The following FANCE variants were observed in gnomAD, a reference collection of about 807,000 sequenced individuals.
The protein encoded by FANCE is Fanconi anemia group E protein.
Under a neutral mutation model 57.8 loss-of-function variants are expected in FANCE, and 42 were observed. That is an observed-to-expected ratio of 0.73 (90% confidence interval 0.57 to 0.94). FANCE has a LOEUF of 0.94. Among genes scored for constraint, FANCE ranks in the 40% least tolerant of loss-of-function variants. FANCE has a pLI of 0.00. For missense variants in FANCE, 608 were observed against 661.8 expected (o/e 0.92, Z 0.89); for synonymous variants, 251 against 286.4 (o/e 0.88, Z 1.25).
intron 9 of FANCE, among the ~76,000 whole-genome samples, chr6:35,465,356 G>A (rs1010894681): frequency 6.6e-6 from 1 of 152,006 alleles, no homozygotes; most frequent in Non-Finnish European, 1.5e-5. Context: ...GTATTTTTTA[G>A]TAGAGATGGG....
chr6:35,466,168 A>G (rs762129986), intron 9 of FANCE, 76 bp from the exon 10 acceptor site: 639 of 923,582 alleles, frequency 6.9e-4, no homozygotes, highest in Non-Finnish European at 8.8e-4. Flanking sequence ...TCTCTCCTCA[A>G]TAGAGCCCCT....
intron 2 of FANCE, 77 bp from the exon 3 acceptor site, chr6:35,457,479 G>T: frequency 1.3e-6 from 2 of 1,542,770 alleles, no homozygotes; most frequent in Non-Finnish European, 8.9e-7. Context: ...GGCCTTTTCA[G>T]TAGGGGGAGC....
At chr6:35,457,101 C>G (rs1286455780) in intron 2 of FANCE, among the ~76,000 whole-genome samples, 1 of 151,950 alleles carries the variant, frequency 6.6e-6, no homozygotes, top group Non-Finnish European at 1.5e-5. Flanking sequence ...AGGCACTTTT[C>G]AAGATAGAGA....
Position 35,452,704 on chromosome 6 carries a change from C to G in FANCE, c.159C>G (p.Arg53=). ...GLGVLRALGS[R]GWEPFDWGRL... is the part of the protein sequence containing the mutation. ...GGGTGCTCCGGGCGCTGGGCAGCCG[C>G]GGCTGGGAGCCCTTCGACTGGGGTC... is the stretch of plus-strand genomic sequence containing the variant. The change falls in exon 1 of 10, where the codon CGC becomes CGG. Residue 53 remains arginine (R), a synonymous_variant. Transcript: ENST00000229769. 1 of 1,240,988 alleles carries G rather than the reference C, an allele frequency of 8.1e-7. No individual in the cohort carries two copies. 76.9% of individuals were successfully genotyped at this position (1,240,988 alleles called of 1,614,324 possible).
intron 2 of FANCE, 91 bp from the exon 3 acceptor site, chr6:35,457,465 C>G: frequency 7.0e-7 from 1 of 1,421,556 alleles, no homozygotes; most frequent in Middle Eastern, 1.9e-4. Flanking sequence ...TCCCACTGAC[C>G]TGGGGCCTTT....
intron 1 of FANCE, 125 bp downstream of exon 1, chr6:35,452,918 A>G: frequency 9.9e-7 from 1 of 1,014,728 alleles, no homozygotes; most frequent in Non-Finnish European, 1.3e-6. Context: ...GAGCAGGGGC[A>G]CCCTTCACTG....
chr6:35,464,728 C>CT (rs59541412), intron 9 of FANCE, among the ~76,000 whole-genome samples: 1,152 of 107,756 alleles, frequency 0.011, 13 homozygotes, highest in East Asian at 0.034. Flanking sequence ...GAGAGATATT[C>CT]TTTTTTTTTT....
rs930863473 is a variant in FANCE at position 35,452,420 on chromosome 6, T to A, written c.-126T>A. 4.4e-4 allele frequency: 447 copies of A among 1,024,282 alleles called. 2 individuals carry two copies. Among genetic ancestry groups the A allele is most frequent in the Non-Finnish European group, 7.3e-5 (59 of 808,410 alleles). The allele number at this position is 1,024,282 out of a possible 1,614,324, so 63.4% of individuals were successfully genotyped here. A position where few individuals can be genotyped will look rare whatever the true frequency, so the allele number is the denominator to read the frequency against. On this transcript the variant is annotated 5_prime_UTR_variant, in exon 1 of 10. Transcript: ENST00000229769. ...GTCTCCCAACGCCGAGGAGAGCTTG[T>A]AACAGGCGCTGGAGCTGGCCCGCCA...
chr6:35,461,710 C>T (rs969090901), intron 8 of FANCE, among the ~76,000 whole-genome samples: 6 of 146,606 alleles, frequency 4.1e-5, no homozygotes, highest in South Asian at 2.2e-4. Context: ...TGCAGTGGTG[C>T]GATCTCAGCT....
At chr6:35,459,590 T>G in intron 6 of FANCE, 92 bp from the exon 7 acceptor site, 1 of 1,570,658 alleles carries the variant, frequency 6.4e-7, no homozygotes, top group South Asian at 1.1e-5. Flanking sequence ...AATGCCCCTG[T>G]AACAGGCTGG....
chr6:35,462,414 T>C (rs1429142710), intron 8 of FANCE, among the ~76,000 whole-genome samples: 3 of 152,140 alleles, frequency 2.0e-5, no homozygotes, highest in Non-Finnish European at 1.5e-5. Flanking sequence ...GCATAAATTA[T>C]TATTATAAAG....
Position 35,462,892 on chromosome 6 carries a change from T to G in FANCE, c.1487T>G (p.Val496Gly), listed in dbSNP as rs747099581. The G allele has an allele frequency of 1.2e-6, 2 of 1,614,114 alleles. No individual in the cohort carries two copies. The highest frequency in any genetic ancestry group is 2.7e-5 in the African/African-American group (2 of 74,952). ...SMAYAKLMLT[V>G]MTKYQANITE... is the part of the protein sequence containing the mutation. Reference sequence around the variant, plus strand: ...GCCTATGCCAAGCTCATGCTGACAGTGATGACCAAGTATCAGGCTAACGTG... The same window carrying G: ...GCCTATGCCAAGCTCATGCTGACAGGGATGACCAAGTATCAGGCTAACGTG... The change falls in exon 9 of 10, where the codon GTG becomes GGG. Residue 496 changes from valine (V) to glycine (G), a missense_variant. By Grantham distance (109) the Val-to-Gly change is moderately radical. Coordinates refer to ENST00000229769, the MANE Select transcript of FANCE (RefSeq NM_021922.3).
At position 35,460,635 on chromosome 6, in the gene FANCE, G is replaced by C. The variant is rs1165871905; in HGVS notation, c.1383+17G>C. The C allele has an allele frequency of 6.2e-7, 1 of 1,610,860 alleles. No homozygotes were observed. Among genetic ancestry groups the C allele is most frequent in the East Asian group, 2.2e-5 (1 of 44,868 alleles). On this transcript the variant is annotated intron_variant, in intron 8 of 9. Transcript: ENST00000229769. Reference sequence around the variant, plus strand: ...GAGCGGCAGGTGAGCAGGCTGCCCTGGGGAAGAGTGGACAAAGAAGTGCTG... The same window carrying C: ...GAGCGGCAGGTGAGCAGGCTGCCCTCGGGAAGAGTGGACAAAGAAGTGCTG...
chr6:35,459,651 C>A, intron 6 of FANCE, 31 bp from the exon 7 acceptor site: 2 of 1,610,464 alleles, frequency 1.2e-6, no homozygotes, highest in Non-Finnish European at 8.5e-7. Flanking sequence ...CATTTCCCCC[C>A]AGACTTCCCC....
chr6:35,453,135 A>G (rs1767177849), intron 1 of FANCE, among the ~76,000 whole-genome samples: 1 of 152,260 alleles, frequency 6.6e-6, no homozygotes, highest in African/African-American at 2.4e-5. Flanking sequence ...TTTAAAGTAC[A>G]AAAATAGATA....
At chr6:35,462,995 G>A in intron 9 of FANCE, 81 bp downstream of exon 9, 1 of 1,594,564 alleles carries the variant, frequency 6.3e-7, no homozygotes, top group Non-Finnish European at 8.6e-7. Context: ...GAATATGTAT[G>A]TCAGGGATAA....
chr6:35,452,441 C>T lies in FANCE; in HGVS notation c.-105C>T, dbSNP rs886061326. On this transcript the variant is annotated 5_prime_UTR_variant, in exon 1 of 10. Coordinates refer to ENST00000229769, the MANE Select transcript of FANCE (RefSeq NM_021922.3). Reference sequence around the variant, plus strand: ...CTTGTAACAGGCGCTGGAGCTGGCCCGCCACCGCCGCGTCAGGGACGGCGC... The same window carrying T: ...CTTGTAACAGGCGCTGGAGCTGGCCTGCCACCGCCGCGTCAGGGACGGCGC... The T allele has an allele frequency of 9.3e-5, 106 of 1,136,446 alleles. No individual in the cohort carries two copies. Among genetic ancestry groups the T allele is most frequent in the Middle Eastern group, 3.4e-4 (1 of 2,950 alleles). 70.4% of individuals were successfully genotyped at this position (1,136,446 alleles called of 1,614,324 possible).
Sources: gnomAD v4.1 joint callset for allele counts (sites outside exome capture counted in the v4.1 genomes callset) on GRCh38, gnomAD v4.1.1 for gene constraint, MANE v1.5 for transcripts, NCBI Gene and HGNC (gene_info 2026-07-23, HGNC 2026-07-21) for gene names.